The following TTC7A variants were observed in gnomAD, a reference collection of about 807,000 sequenced individuals.
TTC7A encodes tetratricopeptide repeat domain 7A, also known as tetratricopeptide repeat protein 7A.
In TTC7A, 110 loss-of-function variants were observed where a neutral mutation model predicts 103.7. The ratio of observed to expected loss-of-function variants is 1.06; its 90% confidence interval spans 0.91 to 1.24. The LOEUF is 1.24. Among genes scored for constraint, TTC7A ranks in the 50% most tolerant of loss-of-function variants. The probability of loss-of-function intolerance (pLI) is 0.00; values close to 1 mark genes in which losing one functional copy is unlikely to be tolerated. For synonymous variants in TTC7A, 521 were observed against 467.9 expected, an observed-to-expected ratio of 1.11 and a Z score of -1.47; for missense variants, 1,340 against 1,116.3, an observed-to-expected ratio of 1.20 and a Z score of -2.86.
chr2:46,932,187 T>C (rs899110534), intron 2 of TTC7A, among the ~76,000 whole-genome samples: 1 of 151,914 alleles, frequency 6.6e-6, no homozygotes, highest in Non-Finnish European at 1.5e-5. Context: ...TCTTGCTCTG[T>C]CACCCAGGCT....
Position 46,993,454 on chromosome 2 carries a change from A to T in TTC7A, c.769A>T (p.Ile257Phe). The T allele has an allele frequency of 6.2e-7, 1 of 1,614,198 alleles. No individual in the cohort carries two copies. The stretch of plus-strand genomic sequence containing the variant: ...CTTCTGCCGTCCTCCCACCAGGAAC[A>T]TCGTGAAGGGCATGAGAGAGCTCCG... Reference protein sequence around the residue: ...AYVKNLKKGNIVKGMRELREV... With the variant: ...AYVKNLKKGNFVKGMRELREV... The change falls in exon 6 of 20, where the codon ATC becomes TTC. Residue 257 changes from isoleucine to phenylalanine, a missense_variant. Transcript: ENST00000319190.
intron 17 of TTC7A, 96 bp downstream of exon 17, chr2:47,050,142 C>T (rs1682733549): frequency 2.8e-6 from 3 of 1,067,758 alleles, no homozygotes; most frequent in African/African-American, 1.5e-5. Context: ...GGCCCTCTCC[C>T]AGCCGGGCCA....
chr2:46,918,715 A>G lies in TTC7A; in HGVS notation c.82+1438A>G, dbSNP rs114697355. 3.6e-3 allele frequency among the ~76,000 whole-genome samples: 550 copies of G among 152,366 alleles called. 3 individuals are homozygous for G. The highest frequency in any genetic ancestry group is 0.012 in the African/African-American group (517 of 41,588). On this transcript the variant is annotated intron_variant, in intron 2 of 20. Coordinates refer to the TTC7A transcript ENST00000409245. ...TTGCTGGACCTTGGATATAGGCCAC[A>G]TGCCAACCAATGCTATATTTTTGGA...
intron 1 of TTC7A, among the ~76,000 whole-genome samples, chr2:46,942,645 A>T (rs1023166828): frequency 6.6e-6 from 1 of 152,174 alleles, no homozygotes; most frequent in Non-Finnish European, 1.5e-5. Context: ...TGTTTGTCCC[A>T]CTTTACAGAT....
At chr2:46,955,234 A>G (rs1260032240) in intron 2 of TTC7A, among the ~76,000 whole-genome samples, 12 of 151,034 alleles carry the variant, frequency 7.9e-5, no homozygotes, top group Admixed American at 5.3e-4. Context: ...AGCAGGGAGG[A>G]AATGAGCCCG....
chr2:47,069,945 G>C (rs1205715240), intron 19 of TTC7A, among the ~76,000 whole-genome samples: 1 of 151,312 alleles, frequency 6.6e-6, no homozygotes, highest in Non-Finnish European at 1.5e-5. Context: ...AATGTGCCCT[G>C]AGCTCAGAAA....
chr2:46,995,281 CGT>C (rs1392852911), intron 8 of TTC7A, 82 bp downstream of exon 8: 21 of 1,378,430 alleles, frequency 1.5e-5, no homozygotes, highest in Admixed American at 1.3e-4. Flanking sequence ...ACAGGCCACC[CGT>C]GACCTAGCCA....
chr2:47,044,567 A>G (rs1230770650), intron 15 of TTC7A, among the ~76,000 whole-genome samples: 4 of 152,166 alleles, frequency 2.6e-5, no homozygotes, highest in Non-Finnish European at 2.9e-5. Flanking sequence ...TAGGCAAGCC[A>G]GGTGGTCGTT....
At position 47,044,038 on chromosome 2, in the gene TTC7A, A is replaced by T. The variant is rs181383173; in HGVS notation, c.1803-2277A>T. On this transcript the variant is annotated intron_variant, in intron 15 of 19. Coordinates refer to ENST00000319190, the MANE Select transcript of TTC7A (RefSeq NM_020458.4). ...CCTGCCCAGGGAGCTGTCCCCAGGG[A>T]GCTGTCCCCAGGAACCAGCCCAGCC... is the stretch of plus-strand genomic sequence containing the variant. Among the ~76,000 whole-genome samples the T allele has an allele frequency of 5.5e-3, 842 of 152,112 alleles. 6 individuals carry two copies. The highest frequency in any genetic ancestry group is 0.01 in the Middle Eastern group (3 of 292).
intron 19 of TTC7A, chr2:47,071,041 T>A (rs1256419093): frequency 6.6e-6 from 1 of 152,188 alleles, no homozygotes; most frequent in Non-Finnish European, 1.5e-5. Context: ...GTTCCCACCA[T>A]CTCCCAGGAG....
At chr2:46,928,990 C>CT (rs1471708269) in intron 2 of TTC7A, among the ~76,000 whole-genome samples, 1 of 152,070 alleles carries the variant, frequency 6.6e-6, no homozygotes, top group Non-Finnish European at 1.5e-5. Flanking sequence ...TGGCAAAACT[C>CT]TGTCTCTACT....
chr2:47,048,200 C>T (rs577003375), intron 16 of TTC7A, among the ~76,000 whole-genome samples: 3 of 152,306 alleles, frequency 2.0e-5, no homozygotes, highest in Admixed American at 6.5e-5. Flanking sequence ...ATTCAACCCT[C>T]TCATGTGGGT....
At chr2:46,971,575 G>A (rs1282120883) in intron 3 of TTC7A, among the ~76,000 whole-genome samples, 1 of 150,334 alleles carries the variant, frequency 6.7e-6, no homozygotes, top group Admixed American at 6.7e-5. Flanking sequence ...TCCCCCTGGG[G>A]ATTAGAGTGA....
chr2:47,019,916 G>A (rs1047442697), intron 11 of TTC7A, among the ~76,000 whole-genome samples: 15 of 152,186 alleles, frequency 9.9e-5, no homozygotes, highest in East Asian at 1.9e-4. Flanking sequence ...AGAAAAGAGC[G>A]TGCTATTTGC....
intron 2 of TTC7A, among the ~76,000 whole-genome samples, chr2:46,931,610 A>T (rs899214043): frequency 6.6e-6 from 1 of 152,154 alleles, no homozygotes; most frequent in African/African-American, 2.4e-5. Flanking sequence ...CAAGGAATGC[A>T]GTCGGCCTCT....
chr2:46,998,192 G>A (rs1676413197), intron 8 of TTC7A, among the ~76,000 whole-genome samples: 1 of 152,090 alleles, frequency 6.6e-6, no homozygotes, highest in Non-Finnish European at 1.5e-5. Flanking sequence ...TGGCTGGTTT[G>A]TTTCCCCTTA....
At position 47,007,312 on chromosome 2, in the gene TTC7A, G is replaced by C. The variant is rs545049293; in HGVS notation, c.1287+588G>C. On this transcript the variant is annotated intron_variant, in intron 10 of 19. Coordinates refer to ENST00000319190, the MANE Select transcript of TTC7A (RefSeq NM_020458.4). The surrounding 1 kb of genome is among the most constrained non-coding windows in gnomAD (Gnocchi z 4.9). ...CATGAGTTCACTCTCTATCCACCCA[G>C]CTCCGGTGCCATCACCCCTGCTTTT... is the stretch of plus-strand genomic sequence containing the variant. Among the ~76,000 whole-genome samples, 150 of 152,214 alleles carry C rather than the reference G, an allele frequency of 9.9e-4. No individual in the cohort carries two copies. Among genetic ancestry groups the C allele is most frequent in the African/African-American group, 3.5e-3 (146 of 41,512 alleles).
At chr2:46,986,879 C>T (rs1675068746) in intron 5 of TTC7A, among the ~76,000 whole-genome samples, 1 of 152,224 alleles carries the variant, frequency 6.6e-6, no homozygotes, top group Non-Finnish European at 1.5e-5. Context: ...ACCCCAGACG[C>T]TTTCCTTGGA....
At chr2:47,039,046 C>T (rs768371649) in intron 15 of TTC7A, among the ~76,000 whole-genome samples, 10 of 152,166 alleles carry the variant, frequency 6.6e-5, no homozygotes, top group Non-Finnish European at 1.2e-4. Context: ...ATGCGCCAGG[C>T]ACAGGCTCTC....
Sources: allele counts gnomAD v4.1 joint callset (sites outside exome capture counted in the v4.1 genomes callset), GRCh38; gene constraint gnomAD v4.1.1; non-coding constraint Gnocchi (gnomAD v3.1); transcripts MANE v1.5; gene names NCBI Gene and HGNC (gene_info 2026-07-23, HGNC 2026-07-21).